The following CTNNA2 variants were observed in gnomAD, a reference collection of about 807,000 sequenced individuals.
CTNNA2 encodes the protein catenin alpha 2.
A neutral mutation model predicts 101.0 loss-of-function variants in CTNNA2; 42 were observed. The ratio of observed to expected loss-of-function variants is 0.42; its 90% confidence interval spans 0.32 to 0.54. The LOEUF is 0.54. Ranked by LOEUF, CTNNA2 falls within the 20% of genes least tolerant of loss-of-function variation. CTNNA2 has a pLI of 0.14. For synonymous variants in CTNNA2, 450 were observed against 456.4 expected, an observed-to-expected ratio of 0.99 and a Z score of 0.18; for missense variants, 871 against 1,223.1, an observed-to-expected ratio of 0.71 and a Z score of 4.29.
At chr2:80,158,800 A>G (rs183611908) in intron 7 of CTNNA2, among the ~76,000 whole-genome samples, 97 of 152,200 alleles carry the variant, frequency 6.4e-4, no homozygotes, top group Non-Finnish European at 1.2e-3. Flanking sequence ...AGTCCCAGCT[A>G]CTTGAGAGGT....
intron 7 of CTNNA2, among the ~76,000 whole-genome samples, chr2:79,999,177 C>T (rs1692757928): frequency 6.6e-6 from 1 of 152,198 alleles, no homozygotes; most frequent in Admixed American, 6.5e-5. Flanking sequence ...CCCAGCTCAC[C>T]AGCTCCCCCA....
chr2:80,616,672 TATC>T (rs1457602854), intron 17 of CTNNA2: 1 of 138,004 alleles, frequency 7.2e-6, no homozygotes, highest in Non-Finnish European at 1.6e-5. Context: ...ATTTCTGAAA[TATC>T]ATGGGAAGTA....
chr2:80,385,482 G>A (rs1053044515), intron 7 of CTNNA2, among the ~76,000 whole-genome samples: 4 of 152,140 alleles, frequency 2.6e-5, no homozygotes, highest in Non-Finnish European at 4.4e-5. Context: ...AGAAATGTGA[G>A]AAATAAATTT....
At chr2:79,380,876 C>G (rs141465422) in intron 4 of CTNNA2, among the ~76,000 whole-genome samples, 5 of 152,270 alleles carry the variant, frequency 3.3e-5, no homozygotes, top group Non-Finnish European at 5.9e-5. Flanking sequence ...TATGCCTGAA[C>G]TGTAAGATAA....
chr2:80,601,854 C>A (rs546829273), intron 15 of CTNNA2: 1 of 151,986 alleles, frequency 6.6e-6, no homozygotes, highest in South Asian at 2.1e-4. Context: ...TTTTTTGTAA[C>A]TTCGTGTGTA....
chr2:80,190,450 T>C (rs186587557), intron 7 of CTNNA2, among the ~76,000 whole-genome samples: 17 of 152,250 alleles, frequency 1.1e-4, no homozygotes, highest in Non-Finnish European at 2.4e-4. Flanking sequence ...CCTGGCAACC[T>C]TCATTTACCC....
chr2:80,240,454 G>A (rs908414449), intron 7 of CTNNA2, among the ~76,000 whole-genome samples: 1 of 152,130 alleles, frequency 6.6e-6, no homozygotes, highest in African/African-American at 2.4e-5. Flanking sequence ...ACAGATATGT[G>A]CACCGTAGTC....
chr2:79,830,923 T>G (rs993693317), intron 3 of CTNNA2, among the ~76,000 whole-genome samples: 3 of 152,206 alleles, frequency 2.0e-5, no homozygotes, highest in Non-Finnish European at 2.9e-5. Flanking sequence ...GACGTGTATA[T>G]TATGAAATAT....
chr2:79,372,421 C>T (rs1413330634), intron 3 of CTNNA2, among the ~76,000 whole-genome samples: 1 of 152,146 alleles, frequency 6.6e-6, no homozygotes, highest in South Asian at 2.1e-4. Context: ...CAGGTCTTCT[C>T]CATTCCCAAG....
chr2:79,219,032 C>G (rs1674306254), intron 2 of CTNNA2, among the ~76,000 whole-genome samples: 1 of 152,076 alleles, frequency 6.6e-6, no homozygotes, highest in Admixed American at 6.5e-5. Flanking sequence ...ATGTATAGTA[C>G]AAAATTGCCA....
chr2:79,697,517 T>C (rs768345683), intron 2 of CTNNA2, among the ~76,000 whole-genome samples: 19 of 152,070 alleles, frequency 1.2e-4, no homozygotes, highest in Non-Finnish European at 2.5e-4. Context: ...TTGCAAAGAA[T>C]AGTCAGTCTT....
At chr2:80,091,620 C>G (rs533255126) in intron 7 of CTNNA2, among the ~76,000 whole-genome samples, 2 of 152,134 alleles carry the variant, frequency 1.3e-5, no homozygotes, top group African/African-American at 2.4e-5. Flanking sequence ...TCCCGGGGAC[C>G]AAGTCAGACT....
At position 79,396,379 on chromosome 2, in the gene CTNNA2, G is replaced by T. The variant is rs184699427; in HGVS notation, c.-135+22366G>T. 1.8e-3 allele frequency among the ~76,000 whole-genome samples: 270 copies of T among 152,066 alleles called. 1 individual carries two copies. The highest frequency in any genetic ancestry group is 6.1e-3 in the African/African-American group (254 of 41,506). ...TCACTATGTTGGCCAAGCTGGTCTC[G>T]AACTCCTGACCTCAGGCGATCTGCC... is the stretch of plus-strand genomic sequence containing the variant. On this transcript the variant is annotated intron_variant, in intron 4 of 21. Transcript: ENST00000466387.
intron 1 of CTNNA2, chr2:79,523,213 A>T (rs1045309759): frequency 1.8e-5 from 8 of 435,974 alleles, no homozygotes; most frequent in Non-Finnish European, 3.7e-5. Flanking sequence ...CAGAGATAAA[A>T]TGTCTGGGTT....
chr2:80,469,541 T>C (rs1685123044), intron 9 of CTNNA2, among the ~76,000 whole-genome samples: 1 of 152,214 alleles, frequency 6.6e-6, no homozygotes, highest in African/African-American at 2.4e-5. Flanking sequence ...TAGTAGCTAG[T>C]AGACATTAGG....
At chr2:80,313,720 A>G (rs1338911446) in intron 7 of CTNNA2, 9 of 1,218,646 alleles carry the variant, frequency 7.4e-6, no homozygotes, top group Non-Finnish European at 1.1e-5. Flanking sequence ...ACTTTCAACT[A>G]GAAATATGAT....
chr2:80,596,276 GTTGTTTTTTTTTTTTTTTTTTTT>G (rs1558627478), intron 15 of CTNNA2, among the ~76,000 whole-genome samples: 6 of 52,238 alleles, frequency 1.1e-4, no homozygotes, highest in African/African-American at 3.7e-4. Flanking sequence ...CTGAGACAAG[GTTGTTTTTTTTTTTTTTTTTTTT>G]TTTTTTTTTT....
chr2:79,864,950 A>G (rs1322404592), intron 4 of CTNNA2, among the ~76,000 whole-genome samples: 1 of 152,186 alleles, frequency 6.6e-6, no homozygotes, highest in Non-Finnish European at 1.5e-5. Flanking sequence ...AATAAGATAG[A>G]CGTAAGCCAT....
chr2:79,789,144 G>T (rs1675074435), intron 3 of CTNNA2, among the ~76,000 whole-genome samples: 1 of 152,156 alleles, frequency 6.6e-6, no homozygotes, highest in Non-Finnish European at 1.5e-5. Flanking sequence ...CAGAGAAAAG[G>T]GTAACAGCTT....
Sources: allele counts gnomAD v4.1 joint callset (sites outside exome capture counted in the v4.1 genomes callset), GRCh38; gene constraint gnomAD v4.1.1; transcripts MANE v1.5; gene names NCBI Gene and HGNC (gene_info 2026-07-23, HGNC 2026-07-21).